Variants in PRKCA observed in about 807,000 individuals in gnomAD.
PRKCA encodes protein kinase C alpha, also known as protein kinase C alpha type.
A neutral mutation model predicts 87.0 loss-of-function variants in PRKCA; 27 were observed. The observed-to-expected ratio is 0.31, with a 90% CI of 0.23 to 0.43. PRKCA has a LOEUF of 0.43. Among genes scored for constraint, PRKCA ranks in the 20% least tolerant of loss-of-function variants. The probability of loss-of-function intolerance (pLI) is 1.00; values close to 1 mark genes in which losing one functional copy is unlikely to be tolerated. For missense variants in PRKCA, 518 were observed against 852.3 expected, an observed-to-expected ratio of 0.61 and a Z score of 4.88; for synonymous variants, 329 against 311.1, an observed-to-expected ratio of 1.06 and a Z score of -0.61.
intron 2 of PRKCA, chr17:66,415,850 A>C (rs959391273): frequency 6.6e-6 from 1 of 152,190 alleles, no homozygotes; most frequent in Non-Finnish European, 1.5e-5. Flanking sequence ...GAATCCGTCC[A>C]TATAAAATGC....
At chr17:66,469,649 G>T (rs1162310785) in intron 2 of PRKCA, among the ~76,000 whole-genome samples, 1 of 152,178 alleles carries the variant, frequency 6.6e-6, no homozygotes, top group African/African-American at 2.4e-5. Flanking sequence ...TTCCTCCCTA[G>T]CACATTGCCT....
At chr17:66,710,167 G>A (rs531537619) in intron 8 of PRKCA, among the ~76,000 whole-genome samples, 2 of 152,148 alleles carry the variant, frequency 1.3e-5, no homozygotes, top group South Asian at 4.2e-4. Context: ...ACAAGGAAGA[G>A]TTACTTCCTA....
chr17:66,628,903 C>G (rs1267593451), intron 3 of PRKCA, among the ~76,000 whole-genome samples: 3 of 152,174 alleles, frequency 2.0e-5, no homozygotes, highest in Non-Finnish European at 4.4e-5. Context: ...TTGGCGCATG[C>G]CTGTAATCCC....
At chr17:66,464,294 T>A (rs80303576) in intron 2 of PRKCA, among the ~76,000 whole-genome samples, 9,687 of 152,268 alleles carry the variant, frequency 0.064, 1,025 homozygotes, top group African/African-American at 0.22. Flanking sequence ...GCGTCTGGGT[T>A]GCTTTCAAGT....
intron 2 of PRKCA, among the ~76,000 whole-genome samples, chr17:66,392,235 C>CA (rs1273688762): frequency 4.5e-5 from 6 of 134,250 alleles, no homozygotes; most frequent in African/African-American, 1.2e-4. Flanking sequence ...GTCTCAACAA[C>CA]AACAAAAAAA....
At chr17:66,706,600 T>A (rs1291442708) in intron 8 of PRKCA, among the ~76,000 whole-genome samples, 1 of 149,906 alleles carries the variant, frequency 6.7e-6, no homozygotes, top group African/African-American at 2.5e-5. Flanking sequence ...ATCACGCCAC[T>A]GCACTCCAGC....
chr17:66,306,534 G>A (rs12601850), intron 2 of PRKCA, among the ~76,000 whole-genome samples: 58,038 of 151,686 alleles, frequency 0.38, 11,332 homozygotes, highest in East Asian at 0.57. Flanking sequence ...ATTTTAGGCC[G>A]TATTTCATTC....
chr17:66,594,616 T>TA (rs909270722), intron 3 of PRKCA, among the ~76,000 whole-genome samples: 1 of 152,042 alleles, frequency 6.6e-6, no homozygotes, highest in African/African-American at 2.4e-5. Flanking sequence ...TGTGGGTTTT[T>TA]TTTTAATTTA....
chr17:66,478,584 C>G (rs1860659), intron 2 of PRKCA, among the ~76,000 whole-genome samples: 32,331 of 152,024 alleles, frequency 0.21, 3,636 homozygotes, highest in Middle Eastern at 0.25. Context: ...AATGATAATT[C>G]ATAAAACACT....
intron 11 of PRKCA, 121 bp downstream of exon 11, chr17:66,738,976 A>G: frequency 1.3e-6 from 1 of 742,070 alleles, no homozygotes; most frequent in Non-Finnish European, 2.3e-6. Context: ...TTTGCCTCCC[A>G]GGCTCGGGTG....
intron 8 of PRKCA, among the ~76,000 whole-genome samples, chr17:66,704,051 A>T (rs918562825): frequency 6.6e-6 from 1 of 152,072 alleles, no homozygotes; most frequent in Non-Finnish European, 1.5e-5. Flanking sequence ...CATCTCCATG[A>T]TAATCTTATG....
intron 2 of PRKCA, among the ~76,000 whole-genome samples, chr17:66,493,484 T>A (rs1170471965): frequency 6.6e-6 from 1 of 152,052 alleles, no homozygotes; most frequent in Admixed American, 6.6e-5. Context: ...TGAATCCTGA[T>A]TCCATCACAT....
At chr17:66,332,205 T>C (rs1011723599) in intron 2 of PRKCA, among the ~76,000 whole-genome samples, 9 of 147,520 alleles carry the variant, frequency 6.1e-5, no homozygotes, top group Non-Finnish European at 1.0e-4. Context: ...TTTCCTTCTT[T>C]CTTCCTTCCT....
chr17:66,496,336 A>AT lies in PRKCA; in HGVS notation c.288+60dup, dbSNP rs981435585. 1.1e-4 allele frequency: 163 copies of AT among 1,487,974 alleles called. No individual in the cohort carries two copies. The African/African-American group carries it at 1.8e-3, about 16-fold the overall frequency. The allele number at this position is 1,487,974 out of a possible 1,614,324, so 92.2% of individuals were successfully genotyped here. ...TGTCAATGTGGATTTCTGAGCTTTA[A>AT]TTTTTTTAACGCCTGTGCAACTGTT... is the stretch of plus-strand genomic sequence containing the variant. On this transcript the variant is annotated intron_variant, in intron 3 of 16. Coordinates refer to ENST00000413366, the MANE Select transcript of PRKCA (RefSeq NM_002737.3).
chr17:66,451,436 G>A lies in PRKCA; in HGVS notation c.206-44765G>A, dbSNP rs1019213026. Among the ~76,000 whole-genome samples the A allele has an allele frequency of 4.6e-5, 7 of 151,444 alleles. No individual in the cohort carries two copies. The East Asian group carries it at 1.4e-3, about 29-fold the overall frequency. ...TGCTTTTTGATTATTATCACATTTT[G>A]GGCTTTTGTTTTTGGTAACATGCAG... On this transcript the variant is annotated intron_variant, in intron 2 of 16. Transcript: ENST00000413366.
intron 8 of PRKCA, among the ~76,000 whole-genome samples, chr17:66,701,376 A>C (rs1427151589): frequency 6.6e-6 from 1 of 152,140 alleles, no homozygotes; most frequent in Non-Finnish European, 1.5e-5. Context: ...GGAAAGCTTC[A>C]TGACATTGGT....
intron 5 of PRKCA, among the ~76,000 whole-genome samples, chr17:66,654,464 A>G (rs1971678946): frequency 6.6e-6 from 1 of 152,200 alleles, no homozygotes; most frequent in Non-Finnish European, 1.5e-5. Context: ...AAGTGAGGAA[A>G]CTGAGGCTTG....
At chr17:66,788,085 G>A (rs9890888) in intron 15 of PRKCA, among the ~76,000 whole-genome samples, 26,281 of 152,202 alleles carry the variant, frequency 0.17, 3,774 homozygotes, top group African/African-American at 0.39. Flanking sequence ...AGAGTTGCTG[G>A]TCATGACTTG....
At chr17:66,722,848 T>C (rs1973647837) in intron 8 of PRKCA, among the ~76,000 whole-genome samples, 1 of 152,262 alleles carries the variant, frequency 6.6e-6, no homozygotes, top group Non-Finnish European at 1.5e-5. Flanking sequence ...AAAAAGAGCA[T>C]GCTACAGCTT....
Sources: gnomAD v4.1 joint callset for allele counts (sites outside exome capture counted in the v4.1 genomes callset) on GRCh38, gnomAD v4.1.1 for gene constraint, MANE v1.5 for transcripts, NCBI Gene and HGNC (gene_info 2026-07-23, HGNC 2026-07-21) for gene names.